CSMD3: variants seen among roughly 807,000 people sequenced by gnomAD.
The protein encoded by CSMD3 is CUB and Sushi multiple domains 3, also known as CUB and sushi domain-containing protein 3.
CSMD3 carries 177 observed loss-of-function variants against 435.2 expected under a neutral mutation model. The ratio of observed to expected loss-of-function variants is 0.41; its 90% confidence interval spans 0.36 to 0.46. The LOEUF (loss-of-function observed/expected upper bound fraction) is 0.46. Among genes scored for constraint, CSMD3 ranks in the 20% least tolerant of loss-of-function variants. CSMD3 has a pLI of 0.34. For synonymous variants in CSMD3, 1,656 were observed against 1,520.5 expected (o/e 1.09, Z -2.07); for missense variants, 4,265 against 4,504.6 (o/e 0.95, Z 1.52).
chr8:113,274,100 A>T (rs2093551394), intron 3 of CSMD3, among the ~76,000 whole-genome samples: 1 of 152,076 alleles, frequency 6.6e-6, no homozygotes, highest in African/African-American at 2.4e-5. Flanking sequence ...TAAATAAAGC[A>T]TAAAGTTTTT....
rs2129755543 is a variant in CSMD3 at position 112,224,732 on chromosome 8, T to A, written c.*39A>T. The A allele has an allele frequency of 6.2e-7, 1 of 1,609,996 alleles. No individual in the cohort carries two copies. Among genetic ancestry groups the A allele is most frequent in the South Asian group, 1.1e-5 (1 of 91,030 alleles). On this transcript the variant is annotated 3_prime_UTR_variant, in exon 71 of 71. Coordinates refer to ENST00000297405, the MANE Select transcript of CSMD3 (RefSeq NM_198123.2). ...AACTAAATGTGCACTGTTTTGTGTGTCGATTTCCAAGCTTCTGAAGAAGGC... is the reference window on the plus strand; with the variant it reads ...AACTAAATGTGCACTGTTTTGTGTGACGATTTCCAAGCTTCTGAAGAAGGC...
At chr8:112,298,084 A>T (rs1050390820) in intron 53 of CSMD3, among the ~76,000 whole-genome samples, 12 of 150,306 alleles carry the variant, frequency 8.0e-5, no homozygotes, top group South Asian at 4.2e-4. Flanking sequence ...AAAAAAAAAA[A>T]AAAAAATAAG....
At chr8:112,578,772 C>T (rs1250175751) in intron 23 of CSMD3, among the ~76,000 whole-genome samples, 1 of 151,992 alleles carries the variant, frequency 6.6e-6, no homozygotes, top group Non-Finnish European at 1.5e-5. Context: ...TCAGTCCTGA[C>T]ATTGTGGCAC....
intron 32 of CSMD3, among the ~76,000 whole-genome samples, chr8:112,459,064 A>G (rs1213022352): frequency 6.6e-6 from 1 of 151,944 alleles, no homozygotes; most frequent in East Asian, 1.9e-4. Flanking sequence ...TTTCTCATCC[A>G]TACCTCTGAA....
rs531870954 is a variant in CSMD3, at chr8:112,337,655, A to G, written c.6729T>C (p.Gly2243=). The G allele has an allele frequency of 1.2e-6, 2 of 1,613,620 alleles. No individual in the cohort carries two copies. The highest frequency in any genetic ancestry group is 4.5e-5 in the East Asian group (2 of 44,866). The part of the protein sequence containing the change: ...GFVIGNDFTV[G]QTISFECFPG... ...GGAAACATTCAAATGAAATGGTTTG[A>G]CCCACAGTAAAATCATTACCAATTA... Residue 2243 remains glycine (G), a synonymous_variant, in exon 43 of 71, where the codon GGT becomes GGC. Coordinates refer to ENST00000297405, the MANE Select transcript of CSMD3 (RefSeq NM_198123.2).
intron 47 of CSMD3, 125 bp from the exon 48 acceptor site, chr8:112,314,742 G>A: frequency 2.8e-6 from 2 of 723,724 alleles, no homozygotes; most frequent in East Asian, 2.7e-5. Context: ...TGAATTATTT[G>A]TTAGAAGAGA....
At chr8:112,284,209 T>G (rs75563012) in intron 58 of CSMD3, among the ~76,000 whole-genome samples, 174 of 151,968 alleles carry the variant, frequency 1.1e-3, no homozygotes, top group African/African-American at 4.0e-3. Context: ...GTCAAAAATG[T>G]TACATTCTTC....
intron 22 of CSMD3, among the ~76,000 whole-genome samples, chr8:112,634,772 G>T: frequency 6.6e-6 from 1 of 150,898 alleles, no homozygotes; most frequent in African/African-American, 2.4e-5. Flanking sequence ...CCTATGTAAC[G>T]GCCTGGCATG....
At chr8:112,754,125 C>A (rs899741594) in intron 13 of CSMD3, among the ~76,000 whole-genome samples, 1 of 152,118 alleles carries the variant, frequency 6.6e-6, no homozygotes, top group Admixed American at 6.6e-5. Context: ...TCCTGGTATT[C>A]TGCAGATTAT....
intron 6 of CSMD3, among the ~76,000 whole-genome samples, chr8:113,016,582 A>G (rs2086468322): frequency 6.6e-6 from 1 of 151,896 alleles, no homozygotes; most frequent in Non-Finnish European, 1.5e-5. Flanking sequence ...CAGATTCCTA[A>G]AAATATTAAA....
chr8:112,897,879 T>C lies in CSMD3; in HGVS notation c.1633+23748A>G, dbSNP rs1396633654. On this transcript the variant is annotated intron_variant, in intron 10 of 70. Coordinates refer to ENST00000297405, the MANE Select transcript of CSMD3 (RefSeq NM_198123.2). The stretch of plus-strand genomic sequence containing the variant: ...GCAGTAGGAAATATTATTTTTGTTA[T>C]AATCTAACCTTCAGGTTTTATTATT... Among the ~76,000 whole-genome samples the C allele has an allele frequency of 3.3e-5, 5 of 151,286 alleles. 1 individual carries two copies. The South Asian group carries it at 6.2e-4, about 19-fold the overall frequency.
intron 3 of CSMD3, among the ~76,000 whole-genome samples, chr8:113,201,492 T>A (rs2092715444): frequency 6.6e-6 from 1 of 152,006 alleles, no homozygotes; most frequent in Admixed American, 6.6e-5. Context: ...TGACAGCTGT[T>A]TATTAGATTT....
At chr8:113,367,271 T>C (rs142364804) in intron 1 of CSMD3, among the ~76,000 whole-genome samples, 258 of 152,096 alleles carry the variant, frequency 1.7e-3, no homozygotes, top group African/African-American at 5.8e-3. Flanking sequence ...TTCATTCAAC[T>C]TGAGTTCTGG....
At chr8:112,252,578 C>A (rs1815365254) in intron 63 of CSMD3, among the ~76,000 whole-genome samples, 1 of 151,062 alleles carries the variant, frequency 6.6e-6, no homozygotes. Flanking sequence ...AAACCATATT[C>A]ATTTGGAATT....
chr8:112,533,224 A>G (rs995867680), intron 27 of CSMD3, among the ~76,000 whole-genome samples: 1 of 151,820 alleles, frequency 6.6e-6, no homozygotes, highest in Admixed American at 6.6e-5. Flanking sequence ...AGGAGTTATA[A>G]AATAACCAGA....
At chr8:113,157,133 A>G (rs1454795967) in intron 4 of CSMD3, among the ~76,000 whole-genome samples, 1 of 152,152 alleles carries the variant, frequency 6.6e-6, no homozygotes, top group African/African-American at 2.4e-5. Flanking sequence ...TGGTGCAGTC[A>G]CTATGGAAAA....
intron 3 of CSMD3, among the ~76,000 whole-genome samples, chr8:113,190,455 G>A (rs1443032621): frequency 6.6e-6 from 1 of 151,764 alleles, no homozygotes; most frequent in Non-Finnish European, 1.5e-5. Flanking sequence ...ATGGAGAGTT[G>A]ATGGAATGGC....
At chr8:112,762,935 AG>A (rs1331387010) in intron 13 of CSMD3, among the ~76,000 whole-genome samples, 1 of 151,764 alleles carries the variant, frequency 6.6e-6, no homozygotes, top group African/African-American at 2.4e-5. Flanking sequence ...TATTGGTCAA[AG>A]GATGCAAAGT....
At chr8:112,477,653 T>C (rs1023623417) in intron 31 of CSMD3, among the ~76,000 whole-genome samples, 1 of 152,132 alleles carries the variant, frequency 6.6e-6, no homozygotes, top group Admixed American at 6.5e-5. Flanking sequence ...ACATACCTGC[T>C]CCCGCTTTGC....
Sources: gnomAD v4.1 joint callset for allele counts (sites outside exome capture counted in the v4.1 genomes callset) on GRCh38, gnomAD v4.1.1 for gene constraint, MANE v1.5 for transcripts, NCBI Gene and HGNC (gene_info 2026-07-23, HGNC 2026-07-21) for gene names.